Variants in SERINC5 observed in about 807,000 individuals in gnomAD.
SERINC5 encodes serine incorporator 5.
A neutral mutation model predicts 63.1 loss-of-function variants in SERINC5; 41 were observed. The observed-to-expected ratio is 0.65, with a 90% confidence interval of 0.51 to 0.84. The LOEUF (loss-of-function observed/expected upper bound fraction) is 0.84, where lower values mean the gene tolerates loss of function less well. Among genes scored for constraint, SERINC5 ranks in the 40% least tolerant of loss-of-function variants. The pLI is 0.00. For missense variants in SERINC5, 523 were observed against 573.0 expected (o/e 0.91, Z 0.89); for synonymous variants, 222 against 215.2 (o/e 1.03, Z -0.28).
chr5:80,118,405 T>C (rs1156590984), intron 11 of SERINC5, among the ~76,000 whole-genome samples: 1 of 152,082 alleles, frequency 6.6e-6, no homozygotes, highest in Non-Finnish European at 1.5e-5. Context: ...ACAACAAACA[T>C]TTATTTCTCA....
rs760372342 is a variant in SERINC5, at chr5:80,146,418, G to C, written c.1094-184C>G. ...CCCCCACTCCACCCTAGCAACTTCC[G>C]TAACAGGAAGAGTTACCTAATGCCA... is the stretch of plus-strand genomic sequence containing the variant. On this transcript the variant is annotated intron_variant, in intron 10 of 11. Coordinates refer to ENST00000507668, the MANE Select transcript of SERINC5 (RefSeq NM_001174072.3). Among the ~76,000 whole-genome samples, 4 of 152,190 alleles carry C rather than the reference G, an allele frequency of 2.6e-5. No individual in the cohort carries two copies. The East Asian group carries it at 7.7e-4, about 29-fold the overall frequency.
chr5:80,118,276 G>A (rs145794568), intron 11 of SERINC5, among the ~76,000 whole-genome samples: 60 of 152,168 alleles, frequency 3.9e-4, no homozygotes, highest in African/African-American at 1.3e-3. Flanking sequence ...ATTTCATTAC[G>A]TCTGCAAAGT....
At chr5:80,240,587 G>C (rs1751901415) in intron 1 of SERINC5, among the ~76,000 whole-genome samples, 1 of 152,058 alleles carries the variant, frequency 6.6e-6, no homozygotes, top group Non-Finnish European at 1.5e-5. Context: ...ACTATTTCCA[G>C]GGCTCTAGTG....
At chr5:80,211,569 C>T (rs1451707042) in intron 1 of SERINC5, among the ~76,000 whole-genome samples, 1 of 152,232 alleles carries the variant, frequency 6.6e-6, no homozygotes, top group African/African-American at 2.4e-5. Flanking sequence ...GAAGAGCCGC[C>T]ATCACCTGTC....
intron 11 of SERINC5, among the ~76,000 whole-genome samples, chr5:80,124,489 C>G (rs997289862): frequency 6.6e-6 from 1 of 152,106 alleles, no homozygotes; most frequent in East Asian, 1.9e-4. Flanking sequence ...TCATTTATTT[C>G]CACAGTCCTT....
chr5:80,169,240 CCAAA>C, intron 6 of SERINC5, 91 bp downstream of exon 6: 1 of 1,056,488 alleles, frequency 9.5e-7, no homozygotes, highest in South Asian at 1.5e-5. Context: ...TACACTAGTT[CCAAA>C]CAAACAAAAC....
intron 1 of SERINC5, among the ~76,000 whole-genome samples, chr5:80,243,794 T>C (rs1265424665): frequency 1.4e-5 from 2 of 139,864 alleles, no homozygotes; most frequent in African/African-American, 2.7e-5. Flanking sequence ...TAAAACAAAA[T>C]AAAATAAGCA....
At chr5:80,173,225 A>AGAAGGAAGGAAGGAAGGAAG (rs58622143) in intron 5 of SERINC5, among the ~76,000 whole-genome samples, 12 of 137,748 alleles carry the variant, frequency 8.7e-5, no homozygotes, top group African/African-American at 2.4e-4. Flanking sequence ...CAGGAAGGAA[A>AGAAGGAAGGAAGGAAGGAAG]GAAGGAAGGA....
intron 1 of SERINC5, among the ~76,000 whole-genome samples, chr5:80,234,365 C>T (rs1480509817): frequency 6.6e-6 from 1 of 152,186 alleles, no homozygotes; most frequent in Non-Finnish European, 1.5e-5. Context: ...TCTACATTTA[C>T]ATATGTAAAT....
intron 11 of SERINC5, among the ~76,000 whole-genome samples, chr5:80,121,485 T>G (rs919537925): frequency 2.6e-5 from 4 of 152,050 alleles, no homozygotes; most frequent in South Asian, 2.1e-4. Flanking sequence ...TCCACCCCCA[T>G]GACCCAAACG....
Position 80,139,079 on chromosome 5 carries a change from T to C in SERINC5, c.*4584A>G. On this transcript the variant is annotated 3_prime_UTR_variant, in exon 12 of 12. Transcript: ENST00000507668. Reference sequence around the variant, plus strand: ...ATTCGAATCATATCAGAGACCATTATAAATTTCAAACAGTAGATTTACCAC... The same window carrying C: ...ATTCGAATCATATCAGAGACCATTACAAATTTCAAACAGTAGATTTACCAC... The C allele has an allele frequency of 1.0e-6, 1 of 983,904 alleles. No homozygotes were observed. The allele number at this position is 983,904 out of a possible 1,614,324, so 60.9% of individuals were successfully genotyped here.
chr5:80,167,641 C>T (rs1747391047), intron 6 of SERINC5, among the ~76,000 whole-genome samples: 1 of 152,142 alleles, frequency 6.6e-6, no homozygotes, highest in African/African-American at 2.4e-5. Context: ...GAGGAATTGC[C>T]ACCCTGCTTT....
intron 2 of SERINC5, among the ~76,000 whole-genome samples, chr5:80,189,173 C>A (rs1749026429): frequency 6.6e-6 from 1 of 152,096 alleles, no homozygotes; most frequent in African/African-American, 2.4e-5. Flanking sequence ...ACGGATACTG[C>A]CAAACTCTCC....
chr5:80,204,579 C>A (rs565525495), intron 1 of SERINC5, among the ~76,000 whole-genome samples: 1 of 152,316 alleles, frequency 6.6e-6, no homozygotes, highest in Non-Finnish European at 1.5e-5. Context: ...TTAATGACAA[C>A]CATCAATGGT....
intron 7 of SERINC5, among the ~76,000 whole-genome samples, chr5:80,163,762 C>T (rs75245962): frequency 0.014 from 2,071 of 152,130 alleles, 52 homozygotes; most frequent in African/African-American, 0.048. Flanking sequence ...ACTATTACAT[C>T]GTGTTTGCTA....
intron 2 of SERINC5, among the ~76,000 whole-genome samples, chr5:80,197,868 T>TGTC (rs1262428221): frequency 6.6e-6 from 1 of 152,054 alleles, no homozygotes; most frequent in African/African-American, 2.4e-5. Context: ...TGAGACAGAG[T>TGTC]GTCACTCTGT....
At chr5:80,179,552 T>C (rs1485779041) in intron 2 of SERINC5, among the ~76,000 whole-genome samples, 2 of 152,224 alleles carry the variant, frequency 1.3e-5, no homozygotes, top group African/African-American at 4.8e-5. Flanking sequence ...ACCTGTGCCA[T>C]TATTTATGTA....
chr5:80,244,775 T>C (rs1752099237), intron 1 of SERINC5, among the ~76,000 whole-genome samples: 1 of 152,058 alleles, frequency 6.6e-6, no homozygotes, highest in Admixed American at 6.5e-5. Flanking sequence ...TGAGCTGAGA[T>C]CGTGCCATTG....
chr5:80,162,651 G>A (rs937026527), intron 7 of SERINC5, among the ~76,000 whole-genome samples: 4 of 152,176 alleles, frequency 2.6e-5, no homozygotes, highest in Non-Finnish European at 5.9e-5. Context: ...TGGGATCACA[G>A]GGATGTGAAA....
Sources: gnomAD v4.1 joint callset for allele counts (sites outside exome capture counted in the v4.1 genomes callset) on GRCh38, gnomAD v4.1.1 for gene constraint, MANE v1.5 for transcripts, NCBI Gene and HGNC (gene_info 2026-07-23, HGNC 2026-07-21) for gene names.